TBC1D22A: variants seen among roughly 807,000 people sequenced by gnomAD.
TBC1D22A encodes the protein TBC1 domain family member 22A, also known as putative GTPase activator.
A neutral mutation model predicts 60.2 loss-of-function variants in TBC1D22A; 38 were observed. That is an observed-to-expected ratio of 0.63 (90% CI 0.49 to 0.83). The LOEUF is 0.83. Ranked by LOEUF, TBC1D22A falls within the 40% of genes least tolerant of loss-of-function variation. The pLI is 0.00. For missense variants in TBC1D22A, 628 were observed against 701.0 expected (o/e 0.90, Z 1.18); for synonymous variants, 302 against 281.7 (o/e 1.07, Z -0.72).
chr22:47,058,528 C>G (rs949160515), intron 11 of TBC1D22A, among the ~76,000 whole-genome samples: 3 of 152,040 alleles, frequency 2.0e-5, no homozygotes, highest in Non-Finnish European at 4.4e-5. Context: ...TAGCTCTTGC[C>G]TCCCCTCCCT....
chr22:47,098,673 G>A (rs1216523256), intron 11 of TBC1D22A, among the ~76,000 whole-genome samples: 1 of 152,238 alleles, frequency 6.6e-6, no homozygotes, highest in Admixed American at 6.5e-5. Context: ...CCGACTCCAT[G>A]TGTTAGGCTG....
At position 47,135,824 on chromosome 22, in the gene TBC1D22A, C is replaced by T. The variant is rs945466096; in HGVS notation, c.1425+24221C>T. Among the ~76,000 whole-genome samples, 4 of 151,246 alleles carry T rather than the reference C, an allele frequency of 2.6e-5. No individual in the cohort carries two copies. The South Asian group carries it at 6.3e-4, about 24-fold the overall frequency. ...GCCCAGCGCTTGTTCACTGAGCACG[C>T]GCCACGTGCCAGGACCACCCGGACA... On this transcript the variant is annotated intron_variant, in intron 12 of 12. Coordinates refer to ENST00000337137, the MANE Select transcript of TBC1D22A (RefSeq NM_014346.5).
intron 8 of TBC1D22A, among the ~76,000 whole-genome samples, chr22:46,927,368 C>T (rs922560103): frequency 6.6e-6 from 1 of 152,164 alleles, no homozygotes. Context: ...ATCATCTCAG[C>T]TGATATGGAG....
intron 1 of TBC1D22A, among the ~76,000 whole-genome samples, chr22:46,784,207 G>A (rs1692447650): frequency 6.6e-6 from 1 of 152,016 alleles, no homozygotes; most frequent in African/African-American, 2.4e-5. Flanking sequence ...CACTGTGCCT[G>A]GCTAAGTTAT....
rs1161610885 is a variant in TBC1D22A, at chr22:46,792,561, C to T, written c.104C>T (p.Pro35Leu). 6.2e-7 allele frequency: 1 copy of T among 1,614,118 alleles called. No individual in the cohort carries two copies. The highest frequency in any genetic ancestry group is 8.5e-7 in the Non-Finnish European group (1 of 1,180,056). Residue 35 changes from proline to leucine, a missense_variant, in exon 2 of 13, where the codon CCA becomes CTA. Pro to Leu is a moderately conservative substitution (Grantham distance 98). Transcript: ENST00000337137. ...GGTGCCCAGCACCCCCCCTTTGATCCACTGTTACATGGCACGTAAGTGACG... is the reference window on the plus strand; with the variant it reads ...GGTGCCCAGCACCCCCCCTTTGATCTACTGTTACATGGCACGTAAGTGACG... ...VYGAQHPPFD[P>L]LLHGTLLRST...
chr22:46,818,666 A>T (rs1337648151), intron 4 of TBC1D22A, among the ~76,000 whole-genome samples: 2 of 151,770 alleles, frequency 1.3e-5, no homozygotes, highest in Admixed American at 1.3e-4. Flanking sequence ...CCTTGTAGTC[A>T]GGTAGCATGA....
At chr22:46,981,379 C>T (rs1217130132) in intron 9 of TBC1D22A, among the ~76,000 whole-genome samples, 1 of 150,910 alleles carries the variant, frequency 6.6e-6, no homozygotes, top group Non-Finnish European at 1.5e-5. Context: ...GGGTTTAGAC[C>T]CACACAGTCC....
chr22:47,150,877 A>G (rs998054960), intron 12 of TBC1D22A, among the ~76,000 whole-genome samples: 1 of 152,060 alleles, frequency 6.6e-6, no homozygotes, highest in Non-Finnish European at 1.5e-5. Context: ...CTGCTGAATG[A>G]TGGTGCCATT....
chr22:46,833,033 C>T (rs17762235), intron 4 of TBC1D22A, among the ~76,000 whole-genome samples: 11,111 of 152,276 alleles, frequency 0.073, 573 homozygotes, highest in Non-Finnish European at 0.11. Context: ...AGGCCCTGTC[C>T]GCCTGGGCAG....
At chr22:46,920,406 A>T (rs2070682934) in intron 8 of TBC1D22A, among the ~76,000 whole-genome samples, 1 of 152,032 alleles carries the variant, frequency 6.6e-6, no homozygotes, top group African/African-American at 2.4e-5. Context: ...CCATTCTAAT[A>T]ATCATTTAGT....
chr22:46,970,317 C>G (rs989092484), intron 8 of TBC1D22A, among the ~76,000 whole-genome samples: 1 of 152,052 alleles, frequency 6.6e-6, no homozygotes, highest in Admixed American at 6.6e-5. Flanking sequence ...TCTCTGCTTT[C>G]ACCTGTGTAT....
chr22:46,848,148 G>A (rs772658727), intron 4 of TBC1D22A, among the ~76,000 whole-genome samples: 12 of 152,212 alleles, frequency 7.9e-5, no homozygotes, highest in South Asian at 2.1e-4. Flanking sequence ...CATTAAGAGC[G>A]GCTTTAAAGC....
At chr22:46,804,948 A>C (rs2085063546) in intron 4 of TBC1D22A, among the ~76,000 whole-genome samples, 1 of 152,204 alleles carries the variant, frequency 6.6e-6, no homozygotes, top group African/African-American at 2.4e-5. Context: ...GACTTGAGCA[A>C]TTGTGCGACT....
intron 10 of TBC1D22A, among the ~76,000 whole-genome samples, chr22:47,006,530 A>G (rs1295175706): frequency 6.6e-6 from 1 of 152,232 alleles, no homozygotes; most frequent in Non-Finnish European, 1.5e-5. Context: ...CTGCGTCCAC[A>G]GCACATCTTC....
At chr22:47,116,730 C>G (rs1395676361) in intron 12 of TBC1D22A, 1 of 152,418 alleles carries the variant, frequency 6.6e-6, no homozygotes, top group African/African-American at 2.4e-5. Context: ...ACCTTTGTCC[C>G]CTTTGGCTCT....
intron 10 of TBC1D22A, among the ~76,000 whole-genome samples, chr22:47,034,609 T>G (rs1195727104): frequency 6.6e-6 from 1 of 152,188 alleles, no homozygotes; most frequent in East Asian, 1.9e-4. Context: ...GGCCCCTGCG[T>G]TCCCTGTGCC....
At chr22:47,090,451 C>G (rs954765801) in intron 11 of TBC1D22A, among the ~76,000 whole-genome samples, 4 of 152,258 alleles carry the variant, frequency 2.6e-5, no homozygotes, top group African/African-American at 9.6e-5. Flanking sequence ...CGAGTAACTT[C>G]GGGAAATCCC....
At chr22:47,027,110 G>C (rs1294469280) in intron 10 of TBC1D22A, among the ~76,000 whole-genome samples, 1 of 152,138 alleles carries the variant, frequency 6.6e-6, no homozygotes, top group Non-Finnish European at 1.5e-5. Context: ...ATGGAACCGT[G>C]CATATGTGCA....
chr22:46,937,556 A>G (rs1255016334), intron 8 of TBC1D22A, among the ~76,000 whole-genome samples: 1 of 152,208 alleles, frequency 6.6e-6, no homozygotes, highest in Non-Finnish European at 1.5e-5. Context: ...GTATACTATA[A>G]TCGTTATTTT....
Sources: allele counts gnomAD v4.1 joint callset (sites outside exome capture counted in the v4.1 genomes callset), GRCh38; gene constraint gnomAD v4.1.1; transcripts MANE v1.5; gene names NCBI Gene and HGNC (gene_info 2026-07-23, HGNC 2026-07-21).